Variants in CARF observed in about 807,000 individuals in gnomAD.
The protein encoded by CARF is calcium-responsive transcription factor.
CARF carries 57 observed loss-of-function variants against 82.0 expected under a neutral mutation model. The observed-to-expected ratio is 0.70, with a 90% CI of 0.56 to 0.87. CARF has a LOEUF of 0.87. Among genes scored for constraint, CARF ranks in the 40% least tolerant of loss-of-function variants. The pLI is 0.00. For missense variants in CARF, 771 were observed against 855.8 expected (o/e 0.90, Z 1.24); for synonymous variants, 268 against 290.1 (o/e 0.92, Z 0.77).
At chr2:202,921,852 G>A (rs1003578588) in intron 2 of CARF, among the ~76,000 whole-genome samples, 5 of 151,844 alleles carry the variant, frequency 3.3e-5, no homozygotes, top group South Asian at 4.2e-4. Context: ...CTGAGATGGG[G>A]TCTCACTCTG....
Position 202,974,364 on chromosome 2 carries a change from C to G in CARF, c.1362C>G (p.Pro454=). 6.2e-7 allele frequency: 1 copy of G among 1,606,164 alleles called. No individual in the cohort carries two copies. Among genetic ancestry groups the G allele is most frequent in the Non-Finnish European group, 8.5e-7 (1 of 1,178,048 alleles). ...TTGTGGAAAGGGAACTGTTCAAACC[C>G]GATGAGGTACCTGAAAGACATAATT... ...RKFVERELFK[P]DEVPERHNLS... The change falls in exon 13 of 17, where the codon CCC becomes CCG. Residue 454 remains proline (P), a synonymous_variant. Coordinates refer to ENST00000438828, the MANE Select transcript of CARF (RefSeq NM_024744.17).
intron 13 of CARF, among the ~76,000 whole-genome samples, chr2:202,975,522 G>T (rs930166397): frequency 1.3e-5 from 2 of 152,236 alleles, no homozygotes; most frequent in Admixed American, 1.3e-4. Context: ...GGTAGGAATC[G>T]CTTGAACCTG....
chr2:202,914,152 AAGC>A (rs1251607195), intron 1 of CARF, among the ~76,000 whole-genome samples: 4 of 152,124 alleles, frequency 2.6e-5, no homozygotes, highest in Admixed American at 2.6e-4. Flanking sequence ...CATTAATTGC[AAGC>A]TTTTGGTTGG....
At chr2:202,951,693 A>C (rs2058760122) in intron 5 of CARF, among the ~76,000 whole-genome samples, 2 of 152,172 alleles carry the variant, frequency 1.3e-5, no homozygotes, top group African/African-American at 4.8e-5. Flanking sequence ...AACTGAAAAA[A>C]AGTACAATAA....
chr2:202,963,336 G>T (rs1171091171), intron 9 of CARF, among the ~76,000 whole-genome samples: 1 of 148,924 alleles, frequency 6.7e-6, no homozygotes, highest in Non-Finnish European at 1.5e-5. Context: ...AAAAAAAATT[G>T]CTCTCAAAAG....
intron 1 of CARF, among the ~76,000 whole-genome samples, chr2:202,917,129 T>G (rs1228834576): frequency 7.4e-6 from 1 of 135,422 alleles, no homozygotes; most frequent in African/African-American, 2.8e-5. Flanking sequence ...GAGAATGGCG[T>G]GAACCCGGGA....
rs907018730 is a variant in CARF, at chr2:202,913,007, A to G, written c.-425A>G. 1 of 152,210 alleles carries G rather than the reference A, an allele frequency of 6.6e-6. No individual in the cohort carries two copies. The highest frequency in any genetic ancestry group is 2.4e-5 in the African/African-American group (1 of 41,444). 9.4% of individuals were successfully genotyped at this position (152,210 alleles called of 1,614,324 possible). On this transcript the variant is annotated 5_prime_UTR_variant, in exon 1 of 17. Transcript: ENST00000438828. ...TGAGGGAGGATGGATGGAGATAACT[A>G]TCCTGATCCCAATGTCACTTTTTAA...
chr2:202,963,638 A>G (rs1367521881), intron 9 of CARF, among the ~76,000 whole-genome samples: 1 of 152,208 alleles, frequency 6.6e-6, no homozygotes, highest in Admixed American at 6.5e-5. Context: ...ATAGTTACAC[A>G]ACTCACCAGA....
chr2:202,961,702 T>G lies in CARF; in HGVS notation c.832+276T>G. On this transcript the variant is annotated intron_variant, in intron 9 of 16. Coordinates refer to ENST00000438828, the MANE Select transcript of CARF (RefSeq NM_024744.17). ...TTTCCATTAAACCTATTTAATAAAA[T>G]GTTAAAAGAGCAATTTTATTTTAAA... The G allele has an allele frequency of 1.3e-5, 6 of 458,250 alleles. No individual in the cohort carries two copies. In the South Asian group the frequency reaches 2.7e-4, roughly 21 times the overall value. 28.4% of individuals were successfully genotyped at this position (458,250 alleles called of 1,614,324 possible).
chr2:202,953,861 A>G (rs1411678046), intron 6 of CARF, 144 bp from the exon 7 acceptor site: 4 of 553,060 alleles, frequency 7.2e-6, no homozygotes, highest in African/African-American at 5.9e-5. Context: ...TATCAGAGAA[A>G]TTCTCAATAA....
chr2:202,950,389 G>A (rs1277040066), intron 5 of CARF, among the ~76,000 whole-genome samples: 3 of 152,150 alleles, frequency 2.0e-5, no homozygotes, highest in Middle Eastern at 3.4e-3. Context: ...TTCTAAGAAT[G>A]AATAGAACAC....
intron 8 of CARF, among the ~76,000 whole-genome samples, chr2:202,960,200 C>G (rs2059243251): frequency 6.6e-6 from 1 of 151,962 alleles, no homozygotes; most frequent in Admixed American, 6.6e-5. Context: ...TAAAAGCAAA[C>G]CATTAACTAT....
At chr2:202,974,310 T>A (rs771073464) in intron 12 of CARF, 24 bp from the exon 13 acceptor site, 1 of 1,549,638 alleles carries the variant, frequency 6.5e-7, no homozygotes, top group African/African-American at 1.4e-5. Flanking sequence ...TTTATGTCTT[T>A]ATTCCATTTT....
chr2:202,943,026 C>CT (rs2058308432), intron 5 of CARF, 59 bp downstream of exon 5: 4 of 1,250,438 alleles, frequency 3.2e-6, no homozygotes, highest in Non-Finnish European at 4.6e-6. Context: ...ATTAGTCTTA[C>CT]TAAATGACCT....
chr2:202,935,156 T>C (rs892232811), intron 3 of CARF, among the ~76,000 whole-genome samples: 47 of 123,250 alleles, frequency 3.8e-4, no homozygotes, highest in Admixed American at 2.7e-3. Flanking sequence ...TAATATATAC[T>C]CCTGTATATA....
intron 14 of CARF, among the ~76,000 whole-genome samples, chr2:202,980,660 A>ATATATATATATATG (rs2060222905): frequency 8.2e-6 from 1 of 122,092 alleles, no homozygotes; most frequent in African/African-American, 3.1e-5. Context: ...ATATATATAT[A>ATATATATATATATG]TAGTTGTGCC....
At chr2:202,931,086 G>C (rs1692858908) in intron 3 of CARF, among the ~76,000 whole-genome samples, 1 of 145,942 alleles carries the variant, frequency 6.9e-6, no homozygotes, top group Non-Finnish European at 1.5e-5. Flanking sequence ...CGATTCTCCT[G>C]CCTCAGCTTC....
chr2:202,915,624 C>T (rs1478469743), intron 1 of CARF, among the ~76,000 whole-genome samples: 1 of 152,008 alleles, frequency 6.6e-6, no homozygotes, highest in Admixed American at 6.6e-5. Flanking sequence ...CACACGCCAC[C>T]ACGCCCAGCT....
chr2:202,959,670 A>G (rs1461091045), intron 8 of CARF, among the ~76,000 whole-genome samples: 1 of 152,026 alleles, frequency 6.6e-6, no homozygotes. Context: ...AATACCAGGC[A>G]TGGTGATGCA....
Sources: gnomAD v4.1 joint callset for allele counts (sites outside exome capture counted in the v4.1 genomes callset) on GRCh38, gnomAD v4.1.1 for gene constraint, MANE v1.5 for transcripts, NCBI Gene and HGNC (gene_info 2026-07-23, HGNC 2026-07-21) for gene names.